The following KIF5C variants were observed in gnomAD, a reference collection of about 807,000 sequenced individuals.
KIF5C encodes kinesin heavy chain isoform 5C.
Under a neutral mutation model 125.2 loss-of-function variants are expected in KIF5C, and 18 were observed. That is an observed-to-expected ratio of 0.14 (90% CI 0.10 to 0.21). The LOEUF (loss-of-function observed/expected upper bound fraction) is 0.21, where lower values mean the gene tolerates loss of function less well. KIF5C is among the 10% of genes least tolerant of loss of function. The pLI is 1.00. For missense variants in KIF5C, 780 were observed against 1,183.8 expected (o/e 0.66, Z 5.01); for synonymous variants, 405 against 434.0 (o/e 0.93, Z 0.83).
chr2:148,966,476 C>T (rs370010531), intron 11 of KIF5C, among the ~76,000 whole-genome samples: 23 of 152,050 alleles, frequency 1.5e-4, no homozygotes, highest in African/African-American at 5.3e-4. Context: ...ATGGAGATAA[C>T]TGAAAAGAGG....
intron 12 of KIF5C, among the ~76,000 whole-genome samples, chr2:148,977,646 G>A (rs1384680237): frequency 2.0e-5 from 3 of 152,174 alleles, no homozygotes; most frequent in Admixed American, 6.5e-5. Context: ...AAACATTGGT[G>A]TAAAGGGTTC....
intron 11 of KIF5C, among the ~76,000 whole-genome samples, chr2:148,966,379 T>C (rs1468567388): frequency 1.3e-5 from 2 of 149,696 alleles, no homozygotes; most frequent in African/African-American, 5.1e-5. Flanking sequence ...CACACATGCT[T>C]GTGCTTTTTC....
At chr2:148,956,674 G>A in intron 10 of KIF5C, among the ~76,000 whole-genome samples, 1 of 152,200 alleles carries the variant, frequency 6.6e-6, no homozygotes, top group African/African-American at 2.4e-5. Context: ...AGTTTTAAAA[G>A]CAGGTCTTGC....
chr2:148,965,619 A>G (rs1683031117), intron 11 of KIF5C, among the ~76,000 whole-genome samples: 1 of 152,120 alleles, frequency 6.6e-6, no homozygotes, highest in Admixed American at 6.5e-5. Flanking sequence ...GTCTCATGCT[A>G]TGTGCCAGTG....
chr2:149,022,161 TA>T (rs887029337), intron 25 of KIF5C, among the ~76,000 whole-genome samples: 7 of 152,170 alleles, frequency 4.6e-5, no homozygotes, highest in Non-Finnish European at 1.0e-4. Context: ...GAGTCTGGGT[TA>T]GGGGCCTTGT....
intron 11 of KIF5C, among the ~76,000 whole-genome samples, chr2:148,966,407 G>A (rs978716934): frequency 6.6e-6 from 1 of 151,912 alleles, no homozygotes; most frequent in African/African-American, 2.4e-5. Context: ...CTGTTACATA[G>A]AATGAAGTAA....
At chr2:148,935,681 A>T (rs1300768500) in intron 3 of KIF5C, among the ~76,000 whole-genome samples, 1 of 152,210 alleles carries the variant, frequency 6.6e-6, no homozygotes, top group Non-Finnish European at 1.5e-5. Context: ...TCTTCAGGTG[A>T]AATAAACTGC....
intron 10 of KIF5C, among the ~76,000 whole-genome samples, chr2:148,958,110 A>C (rs1185874144): frequency 6.6e-5 from 10 of 152,072 alleles, no homozygotes; most frequent in Admixed American, 6.6e-4. Context: ...TTGTTGATGG[A>C]TATTTGGATT....
At chr2:149,005,282 C>G in intron 21 of KIF5C, 111 bp from the exon 22 acceptor site, 1 of 1,509,974 alleles carries the variant, frequency 6.6e-7, no homozygotes, top group South Asian at 1.3e-5. Context: ...GGGGGTGCAC[C>G]AGCGGCGTCC....
intron 22 of KIF5C, among the ~76,000 whole-genome samples, chr2:149,006,519 T>C (rs896204528): frequency 6.6e-6 from 1 of 152,194 alleles, no homozygotes; most frequent in Non-Finnish European, 1.5e-5. Flanking sequence ...CCAAGGAGAC[T>C]AGACATGGTT....
At chr2:148,992,323 G>T (rs73009552) in intron 16 of KIF5C, among the ~76,000 whole-genome samples, 1 of 152,126 alleles carries the variant, frequency 6.6e-6, no homozygotes, top group Non-Finnish European at 1.5e-5. Flanking sequence ...GTCCTTTTGG[G>T]AAGCACCGTG....
intron 10 of KIF5C, among the ~76,000 whole-genome samples, chr2:148,958,219 T>A (rs1165789297): frequency 6.6e-6 from 1 of 152,164 alleles, no homozygotes; most frequent in Non-Finnish European, 1.5e-5. Flanking sequence ...TGGGAGCAGG[T>A]CATAAGGTGT....
intron 3 of KIF5C, among the ~76,000 whole-genome samples, chr2:148,934,351 G>C (rs1007242191): frequency 2.7e-5 from 4 of 148,520 alleles, no homozygotes; most frequent in Admixed American, 2.7e-4. Flanking sequence ...CATCCATATA[G>C]ACACGCATAC....
chr2:148,983,019 T>C (rs553190685), intron 14 of KIF5C, among the ~76,000 whole-genome samples: 1 of 152,380 alleles, frequency 6.6e-6, no homozygotes, highest in Non-Finnish European at 1.5e-5. Context: ...GCTTCTGCTA[T>C]ATAGTAAGAA....
intron 11 of KIF5C, among the ~76,000 whole-genome samples, chr2:148,966,769 G>A (rs1680727462): frequency 1.3e-5 from 2 of 152,080 alleles, no homozygotes; most frequent in Admixed American, 1.3e-4. Context: ...TTCTGAGGAT[G>A]GACTCTCATG....
intron 1 of KIF5C, among the ~76,000 whole-genome samples, chr2:148,907,400 G>C (rs934448072): frequency 6.6e-6 from 1 of 152,234 alleles, no homozygotes; most frequent in Non-Finnish European, 1.5e-5. Flanking sequence ...CCCAGGTGTG[G>C]ATTTATGGCC....
intron 15 of KIF5C, among the ~76,000 whole-genome samples, chr2:148,986,533 C>A (rs1681386722): frequency 6.6e-6 from 1 of 152,162 alleles, no homozygotes. Context: ...TACTTGACTT[C>A]TGCACATTTG....
At chr2:148,951,807 G>A (rs540983543) in intron 10 of KIF5C, among the ~76,000 whole-genome samples, 26 of 152,262 alleles carry the variant, frequency 1.7e-4, no homozygotes, top group African/African-American at 6.0e-4. Flanking sequence ...GTGTTGTGTG[G>A]TTATGCCTAA....
At chr2:148,954,193 G>T (rs937841160) in intron 10 of KIF5C, among the ~76,000 whole-genome samples, 2 of 152,106 alleles carry the variant, frequency 1.3e-5, no homozygotes, top group African/African-American at 4.8e-5. Context: ...TTCAGTCGGG[G>T]TTGTTTCCTT....
Sources: allele counts gnomAD v4.1 joint callset (sites outside exome capture counted in the v4.1 genomes callset), GRCh38; gene constraint gnomAD v4.1.1; transcripts MANE v1.5; gene names NCBI Gene and HGNC (gene_info 2026-07-23, HGNC 2026-07-21).